SMC5: variants seen among roughly 807,000 people sequenced by gnomAD.
SMC5 encodes structural maintenance of chromosomes protein 5.
A neutral mutation model predicts 148.3 loss-of-function variants in SMC5; 88 were observed. That is an observed-to-expected ratio of 0.59 (90% CI 0.50 to 0.71). The LOEUF is 0.71. Among genes scored for constraint, SMC5 ranks in the 30% least tolerant of loss-of-function variants. SMC5 has a pLI of 0.00. For missense variants in SMC5, 1,142 were observed against 1,298.9 expected (o/e 0.88, Z 1.86); for synonymous variants, 421 against 432.8 (o/e 0.97, Z 0.34).
chr9:70,345,703 A>T (rs898931154), intron 18 of SMC5, among the ~76,000 whole-genome samples: 2 of 152,058 alleles, frequency 1.3e-5, no homozygotes, highest in Non-Finnish European at 2.9e-5. Context: ...CTATACAAGC[A>T]ATTAAGGTTG....
chr9:70,317,608 AC>A (rs1220605496), intron 13 of SMC5, among the ~76,000 whole-genome samples: 1 of 152,154 alleles, frequency 6.6e-6, no homozygotes, highest in Non-Finnish European at 1.5e-5. Flanking sequence ...CAGTAGTATT[AC>A]AATAGTATCT....
chr9:70,321,996 A>G (rs1438013212), intron 15 of SMC5, among the ~76,000 whole-genome samples: 1 of 152,226 alleles, frequency 6.6e-6, no homozygotes, highest in Non-Finnish European at 1.5e-5. Flanking sequence ...ATTGTCTTGA[A>G]TAAGGTATGT....
intron 24 of SMC5, among the ~76,000 whole-genome samples, 166 bp downstream of exon 24, chr9:70,350,637 C>T (rs2036782843): frequency 6.6e-6 from 1 of 152,126 alleles, no homozygotes; most frequent in African/African-American, 2.4e-5. Context: ...ATTCCAGTGT[C>T]ATGCTTAATC....
At chr9:70,315,691 T>A in intron 13 of SMC5, 113 bp downstream of exon 13, 1 of 793,860 alleles carries the variant, frequency 1.3e-6, no homozygotes, top group Non-Finnish European at 1.8e-6. Flanking sequence ...TCTGTTGTTT[T>A]TAACCATGCA....
chr9:70,314,879 T>G (rs1447486471), intron 12 of SMC5, 43 bp downstream of exon 12: 3 of 1,140,362 alleles, frequency 2.6e-6, no homozygotes, highest in Non-Finnish European at 3.8e-6. Context: ...TATTGAATTA[T>G]TCAACATTTA....
chr9:70,281,043 C>A, intron 6 of SMC5, 144 bp downstream of exon 6: 2 of 634,610 alleles, frequency 3.2e-6, no homozygotes, highest in Non-Finnish European at 4.8e-6. Context: ...AAATTCATGT[C>A]TTTTTTTTTT....
At chr9:70,285,024 T>TA (rs147995232) in intron 7 of SMC5, among the ~76,000 whole-genome samples, 1,809 of 152,276 alleles carry the variant, frequency 0.012, 27 homozygotes, top group African/African-American at 0.04. Context: ...CTCTGAGTTT[T>TA]AGTCTCCTCA....
At chr9:70,286,562 G>C (rs1180124) in intron 8 of SMC5, among the ~76,000 whole-genome samples, 32,718 of 151,974 alleles carry the variant, frequency 0.22, 3,659 homozygotes, top group South Asian at 0.28. Flanking sequence ...AAAAACTAAG[G>C]TCTAAGGGAT....
chr9:70,338,997 AAAT>A (rs1267394703), intron 17 of SMC5, among the ~76,000 whole-genome samples: 1 of 152,196 alleles, frequency 6.6e-6, no homozygotes, highest in East Asian at 1.9e-4. Context: ...CTCTAAAAAA[AAAT>A]AAAATAAAAT....
At chr9:70,343,481 A>T (rs1564071850) in intron 17 of SMC5, among the ~76,000 whole-genome samples, 1 of 152,196 alleles carries the variant, frequency 6.6e-6, no homozygotes. Flanking sequence ...GAGTTTTGTC[A>T]TATGAAGCCT....
At chr9:70,260,237 T>G (rs1256810435) in intron 1 of SMC5, among the ~76,000 whole-genome samples, 1 of 152,222 alleles carries the variant, frequency 6.6e-6, no homozygotes, top group East Asian at 1.9e-4. Context: ...CCCGCGTAGC[T>G]GGGATTACAG....
intron 17 of SMC5, among the ~76,000 whole-genome samples, chr9:70,330,230 G>A (rs1472071652): frequency 6.6e-6 from 1 of 152,108 alleles, no homozygotes; most frequent in Non-Finnish European, 1.5e-5. Context: ...AAATTTTTTT[G>A]TGCTTTTTAG....
At chr9:70,348,102 CA>C in intron 22 of SMC5, 64 bp downstream of exon 22, 1 of 1,273,112 alleles carries the variant, frequency 7.9e-7, no homozygotes, top group Non-Finnish European at 1.1e-6. Context: ...GCTTAAAGTA[CA>C]TATAAATTAT....
At chr9:70,334,611 A>AAG (rs977119177) in intron 17 of SMC5, among the ~76,000 whole-genome samples, 3 of 151,632 alleles carry the variant, frequency 2.0e-5, no homozygotes, top group East Asian at 1.9e-4. Context: ...ATACTTTTTA[A>AAG]AGAGAGAGAG....
At chr9:70,320,500 T>G (rs1250994039) in intron 15 of SMC5, among the ~76,000 whole-genome samples, 1 of 152,202 alleles carries the variant, frequency 6.6e-6, no homozygotes, top group East Asian at 1.9e-4. Context: ...TCATTATTCC[T>G]TAAGCAATAC....
In SMC5 at chr9:70,346,729, C is replaced by T. The variant is rs370845611; in HGVS notation, c.2568+80C>T. On this transcript the variant is annotated intron_variant, in intron 19 of 24. Coordinates refer to ENST00000361138, the MANE Select transcript of SMC5 (RefSeq NM_015110.4). ...CTCCCTAGCCATTTGCTTTAAGGCC[C>T]GGAGATGAATTCTAGGCCTTTGAAT... 4.5e-4 allele frequency: 644 copies of T among 1,424,216 alleles called. 1 individual carries two copies. The African/African-American group carries it at 6.8e-3, about 15-fold the overall frequency. 88.2% of individuals were successfully genotyped at this position (1,424,216 alleles called of 1,614,324 possible).
Position 70,259,162 on chromosome 9 carries a change from C to A in SMC5, c.84C>A (p.Val28=), listed in dbSNP as rs770470400. The A allele has an allele frequency of 6.2e-7, 1 of 1,612,086 alleles. No homozygotes were observed. The highest frequency in any genetic ancestry group is 1.6e-4 in the Middle Eastern group (1 of 6,062). Reference sequence around the variant, plus strand: ...TCCCGAGAGACCCTTCGTCGGAGGTCCCGAGCAAGAGGAAGAATTCGGCCC... The same window carrying A: ...TCCCGAGAGACCCTTCGTCGGAGGTACCGAGCAAGAGGAAGAATTCGGCCC... ...RALPRDPSSE[V]PSKRKNSAPQ... Residue 28 remains valine (V), a synonymous_variant, in exon 1 of 25, where the codon GTC becomes GTA. Coordinates refer to ENST00000361138, the MANE Select transcript of SMC5 (RefSeq NM_015110.4).
At position 70,314,725 on chromosome 9, in the gene SMC5, C is replaced by G. The variant is rs779972648; in HGVS notation, c.1579-17C>G. On this transcript the variant is annotated splice_polypyrimidine_tract_variant and intron_variant, in intron 11 of 24. Transcript: ENST00000361138. ...TATATGGTAATTAAAATAATATTTT[C>G]TTTTCCCTATATTCAGGTTCGTGAC... 1 of 1,304,672 alleles carries G rather than the reference C, an allele frequency of 7.7e-7. No individual in the cohort carries two copies. Among genetic ancestry groups the G allele is most frequent in the Non-Finnish European group, 1.1e-6 (1 of 938,624 alleles). 80.8% of individuals were successfully genotyped at this position (1,304,672 alleles called of 1,614,324 possible).
chr9:70,319,300 A>AT (rs950165007), intron 15 of SMC5, among the ~76,000 whole-genome samples: 7 of 151,406 alleles, frequency 4.6e-5, no homozygotes, highest in African/African-American at 1.5e-4. Flanking sequence ...TCATTAATTT[A>AT]TTTTTTTTTA....
Sources: gnomAD v4.1 joint callset for allele counts (sites outside exome capture counted in the v4.1 genomes callset) on GRCh38, gnomAD v4.1.1 for gene constraint, MANE v1.5 for transcripts, NCBI Gene and HGNC (gene_info 2026-07-23, HGNC 2026-07-21) for gene names.